RBFOX3: variants seen among roughly 807,000 people sequenced by gnomAD.
RBFOX3 encodes RNA binding fox-1 homolog 3, also known as RNA binding protein fox-1 homolog 3.
Under a neutral mutation model 48.7 loss-of-function variants are expected in RBFOX3, and 17 were observed. The ratio of observed to expected loss-of-function variants is 0.35; its 90% CI spans 0.24 to 0.52. The LOEUF is 0.52. Among genes scored for constraint, RBFOX3 ranks in the 20% least tolerant of loss-of-function variants. RBFOX3 has a pLI of 0.94. For synonymous variants in RBFOX3, 212 were observed against 209.5 expected (o/e 1.01, Z -0.10); for missense variants, 382 against 497.5 (o/e 0.77, Z 2.21).
At chr17:79,646,197 T>C in the RBFOX3 span, among the ~76,000 whole-genome samples, 1 of 152,186 alleles carries the variant, frequency 6.6e-6, no homozygotes, top group African/African-American at 2.4e-5. Flanking sequence ...GAAACTCACC[T>C]TCCATCCCTT....
intron 2 of RBFOX3, among the ~76,000 whole-genome samples, chr17:79,416,349 C>T (rs1254571130): frequency 4.6e-5 from 7 of 152,224 alleles, no homozygotes; most frequent in African/African-American, 1.7e-4. Flanking sequence ...CCTTCCTGCT[C>T]TGCCCACCGC....
chr17:79,350,088 T>C (rs1314665000), intron 2 of RBFOX3, among the ~76,000 whole-genome samples: 1 of 152,122 alleles, frequency 6.6e-6, no homozygotes, highest in African/African-American at 2.4e-5. Context: ...AATCAGACAC[T>C]CAAGCCAGCC....
intron 1 of RBFOX3, among the ~76,000 whole-genome samples, chr17:79,515,530 C>T (rs994527644): frequency 6.6e-5 from 10 of 152,222 alleles, no homozygotes; most frequent in African/African-American, 1.4e-4. Context: ...ATAGAAAAAA[C>T]GAGAAATGCT....
At chr17:79,454,040 G>A (rs377230460) in intron 2 of RBFOX3, among the ~76,000 whole-genome samples, 3 of 152,082 alleles carry the variant, frequency 2.0e-5, no homozygotes, top group Non-Finnish European at 2.9e-5. Context: ...TAGGAAATGC[G>A]CTCTGACAAG....
At position 79,432,533 on chromosome 17, in the gene RBFOX3, A is replaced by G. The variant is rs76734924; in HGVS notation, c.-175+49921T>C. ...GCGAGCAGCCTTTTATTTGTGTGCA[A>G]CCTGTTTCGTTAAAAAAAAATCTGC... On this transcript the variant is annotated intron_variant, in intron 2 of 14. Transcript: ENST00000693108. Among the ~76,000 whole-genome samples, 100 of 152,196 alleles carry G rather than the reference A, an allele frequency of 6.6e-4. 3 individuals carry two copies. The East Asian group carries it at 0.017, about 26-fold the overall frequency.
intron 2 of RBFOX3, among the ~76,000 whole-genome samples, chr17:79,323,404 A>G (rs934823038): frequency 6.6e-6 from 1 of 152,234 alleles, no homozygotes; most frequent in Non-Finnish European, 1.5e-5. Context: ...TAACCATCCC[A>G]GGGCAGTTTT....
chr17:79,280,152 C>T (rs1325991421), intron 3 of RBFOX3, among the ~76,000 whole-genome samples: 1 of 31,244 alleles, frequency 3.2e-5, no homozygotes, highest in Non-Finnish European at 5.8e-5. Flanking sequence ...CATGTGCGTG[C>T]ACACACACAC....
chr17:79,425,841 G>A (rs1425777109), intron 2 of RBFOX3, among the ~76,000 whole-genome samples: 1 of 152,096 alleles, frequency 6.6e-6, no homozygotes, highest in African/African-American at 2.4e-5. Flanking sequence ...ATGGGGGGAG[G>A]AGAGGACAAG....
chr17:79,595,960 G>T (rs955723112), intron 1 of RBFOX3, among the ~76,000 whole-genome samples: 1 of 152,186 alleles, frequency 6.6e-6, no homozygotes, highest in Non-Finnish European at 1.5e-5. Context: ...GGTACATTAC[G>T]CTCCGAAGGA....
intron 4 of RBFOX3, among the ~76,000 whole-genome samples, chr17:79,200,588 G>A (rs545490523): frequency 6.6e-6 from 1 of 152,222 alleles, no homozygotes; most frequent in Non-Finnish European, 1.5e-5. Flanking sequence ...CGCCAGAGGA[G>A]AGCTGTTCAG....
At chr17:79,232,010 C>T (rs111417725) in intron 4 of RBFOX3, among the ~76,000 whole-genome samples, 33,414 of 152,102 alleles carry the variant, frequency 0.22, 4,186 homozygotes, top group Middle Eastern at 0.35. Context: ...CTTCACAGGG[C>T]GGCAGGAGAC....
chr17:79,511,522 G>A (rs562801597), intron 1 of RBFOX3, among the ~76,000 whole-genome samples: 54 of 152,272 alleles, frequency 3.5e-4, no homozygotes, highest in African/African-American at 1.1e-3. Context: ...AGTTCTGCCC[G>A]TGTGGGGTGA....
chr17:79,560,271 C>T (rs1230516770), intron 1 of RBFOX3, among the ~76,000 whole-genome samples: 4 of 152,082 alleles, frequency 2.6e-5, no homozygotes, highest in South Asian at 2.1e-4. Context: ...GAGGGAGACC[C>T]GAAAAGCCTA....
intron 4 of RBFOX3, among the ~76,000 whole-genome samples, chr17:79,166,947 GA>G (rs1187002857): frequency 6.6e-6 from 1 of 152,184 alleles, no homozygotes; most frequent in Non-Finnish European, 1.5e-5. Flanking sequence ...TTAAAAATAA[GA>G]AGGTGAACAG....
At chr17:79,090,991 G>A in intron 14 of RBFOX3, 106 bp from the exon 15 acceptor site, 2 of 1,132,802 alleles carry the variant, frequency 1.8e-6, no homozygotes, top group Non-Finnish European at 2.5e-6. Flanking sequence ...TAAAGTCCTG[G>A]CGCCGCCACA....
the RBFOX3 span, among the ~76,000 whole-genome samples, chr17:79,661,053 CTTATA>C: frequency 6.6e-6 from 1 of 152,164 alleles, no homozygotes; most frequent in Non-Finnish European, 1.5e-5. Flanking sequence ...ACAACATGTT[CTTATA>C]AGTAGGAGCT....
rs188117498 is a variant in RBFOX3, at chr17:79,218,633, G to A, written c.-34+17133C>T. 3.8e-3 allele frequency among the ~76,000 whole-genome samples: 577 copies of A among 152,270 alleles called. 5 individuals are homozygous for A. The highest frequency in any genetic ancestry group is 0.013 in the African/African-American group (530 of 41,560). On this transcript the variant is annotated intron_variant, in intron 4 of 14. Transcript: ENST00000693108. Reference sequence around the variant, plus strand: ...CCACCTCTGAAGGGGCTCCTAGGCCGGCTCACACACGCCAGGTCAGGGCCG... The same window carrying A: ...CCACCTCTGAAGGGGCTCCTAGGCCAGCTCACACACGCCAGGTCAGGGCCG...
chr17:79,189,988 C>T (rs574940661), intron 4 of RBFOX3, among the ~76,000 whole-genome samples: 45 of 152,364 alleles, frequency 3.0e-4, no homozygotes, highest in Non-Finnish European at 4.6e-4. Context: ...CCATATCACT[C>T]GCTGCTCCAC....
At chr17:79,105,333 G>C (rs963440493) in intron 6 of RBFOX3, among the ~76,000 whole-genome samples, 2 of 152,178 alleles carry the variant, frequency 1.3e-5, no homozygotes, top group Non-Finnish European at 2.9e-5. Flanking sequence ...CTGTCCTGTA[G>C]GGACCCAGGG....
Sources: allele counts gnomAD v4.1 joint callset (sites outside exome capture counted in the v4.1 genomes callset), GRCh38; gene constraint gnomAD v4.1.1; transcripts MANE v1.5; gene names NCBI Gene and HGNC (gene_info 2026-07-23, HGNC 2026-07-21).